Variants in ZDHHC20 observed in about 807,000 individuals in gnomAD.
ZDHHC20 encodes the protein zDHHC palmitoyltransferase 20, also known as palmitoyltransferase ZDHHC20.
Under a neutral mutation model 57.8 loss-of-function variants are expected in ZDHHC20, and 43 were observed. That is an observed-to-expected ratio of 0.74 (90% CI 0.58 to 0.96). The LOEUF (loss-of-function observed/expected upper bound fraction) is 0.96. ZDHHC20 is among the 40% of genes least tolerant of loss of function. ZDHHC20 has a pLI of 0.00. For missense variants in ZDHHC20, 391 were observed against 441.1 expected (o/e 0.89, Z 1.02); for synonymous variants, 157 against 153.0 (o/e 1.03, Z -0.19).
At chr13:21,381,977 G>C (rs370038476) in intron 10 of ZDHHC20, 1 of 512,634 alleles carries the variant, frequency 2.0e-6, no homozygotes, top group South Asian at 1.4e-5. Context: ...GTGATTTAGC[G>C]TAGACTTATT....
intron 4 of ZDHHC20, among the ~76,000 whole-genome samples, chr13:21,405,547 G>T (rs1449206198): frequency 6.6e-6 from 1 of 152,184 alleles, no homozygotes; most frequent in Non-Finnish European, 1.5e-5. Flanking sequence ...TTTTGGGTGT[G>T]TTGAAATTAC....
chr13:21,379,974 C>A (rs1305944953), intron 11 of ZDHHC20, among the ~76,000 whole-genome samples: 1 of 151,704 alleles, frequency 6.6e-6, no homozygotes, highest in Non-Finnish European at 1.5e-5. Flanking sequence ...CACCACCTCG[C>A]CCGTCTAATT....
At position 21,401,653 on chromosome 13, in the gene ZDHHC20, C is replaced by G; in HGVS notation, c.473G>C (p.Trp158Ser). 6.5e-7 allele frequency: 1 copy of G among 1,537,144 alleles called. No homozygotes were observed. The highest frequency in any genetic ancestry group is 8.7e-7 in the Non-Finnish European group (1 of 1,143,618). Residue 158 changes from tryptophan to serine, a missense_variant and splice_region_variant, in exon 6 of 13, where the codon TGG (tryptophan) becomes TCG (serine). Trp to Ser is a radical substitution (Grantham distance 177, BLOSUM62 -3). Coordinates refer to ENST00000400590, the MANE Select transcript of ZDHHC20 (RefSeq NM_001330059.2). ...ATTTCTTCTGTTTTTTTATACATAC[C>G]AAGGACAGTGATGATCCATCTTAAG... ...CILKMDHHCPWVNNCVGFSNY... is the reference protein window; with the variant it reads ...CILKMDHHCPSVNNCVGFSNY...
chr13:21,432,228 C>T (rs557472114), intron 1 of ZDHHC20, among the ~76,000 whole-genome samples: 4 of 150,764 alleles, frequency 2.7e-5, no homozygotes, highest in African/African-American at 4.9e-5. Context: ...TGCAGTGGTG[C>T]GATTTCAGCT....
intron 7 of ZDHHC20, among the ~76,000 whole-genome samples, chr13:21,394,657 C>A (rs915285135): frequency 6.6e-6 from 1 of 152,174 alleles, no homozygotes; most frequent in Non-Finnish European, 1.5e-5. Flanking sequence ...AATCATTGCA[C>A]ACAAACATTG....
At chr13:21,406,180 AC>A (rs1878414230) in intron 4 of ZDHHC20, among the ~76,000 whole-genome samples, 2 of 152,194 alleles carry the variant, frequency 1.3e-5, no homozygotes, top group Admixed American at 1.3e-4. Context: ...TCCCTTGGCT[AC>A]ACCTACTTAC....
intron 1 of ZDHHC20, among the ~76,000 whole-genome samples, chr13:21,438,792 T>C (rs546914167): frequency 2.5e-4 from 38 of 152,316 alleles, no homozygotes; most frequent in South Asian, 1.2e-3. Context: ...AGTCAACAGA[T>C]GCGGCAAACT....
chr13:21,438,573 T>C (rs1882792752), intron 1 of ZDHHC20, among the ~76,000 whole-genome samples: 1 of 152,332 alleles, frequency 6.6e-6, no homozygotes, highest in Non-Finnish European at 1.5e-5. Context: ...GAAAAGAAAA[T>C]GGTTTTTTTG....
At position 21,448,533 on chromosome 13, in the gene ZDHHC20, G is replaced by A. The variant is rs1456648706; in HGVS notation, c.118+10521C>T. Among the ~76,000 whole-genome samples the A allele has an allele frequency of 3.2e-5, 3 of 93,638 alleles. 1 individual carries two copies. Among genetic ancestry groups the A allele is most frequent in the Non-Finnish European group, 8.0e-5 (3 of 37,494 alleles). The allele number at this position is 93,638 out of a possible 152,430, so 61.4% of individuals were successfully genotyped here. On this transcript the variant is annotated intron_variant, in intron 1 of 12. Transcript: ENST00000400590. Reference sequence around the variant, plus strand: ...AGGTGAGGGGCACCTCTGCCCGGCCGCCCCTACTGGGAAGTGAGGAGCCCC... The same window carrying A: ...AGGTGAGGGGCACCTCTGCCCGGCCACCCCTACTGGGAAGTGAGGAGCCCC...
intron 9 of ZDHHC20, among the ~76,000 whole-genome samples, chr13:21,386,402 G>C (rs1566065752): frequency 6.6e-6 from 1 of 152,128 alleles, no homozygotes; most frequent in African/African-American, 2.4e-5. Context: ...ACTAGATCAA[G>C]ATATACCATA....
intron 1 of ZDHHC20, among the ~76,000 whole-genome samples, chr13:21,427,273 C>T (rs1037925323): frequency 4.6e-5 from 7 of 152,174 alleles, no homozygotes; most frequent in African/African-American, 1.7e-4. Context: ...TCATTAGCTC[C>T]ATTTTACAGA....
intron 8 of ZDHHC20, among the ~76,000 whole-genome samples, chr13:21,389,897 G>C (rs1483219245): frequency 6.6e-6 from 1 of 152,224 alleles, no homozygotes; most frequent in Admixed American, 6.5e-5. Flanking sequence ...GCTGGACTTT[G>C]CCTGTAGGCT....
Position 21,374,131 on chromosome 13 carries a change from A to G in ZDHHC20, c.*2565T>C, listed in dbSNP as rs542782080. ...ATGTAGAAATGCAAAAAGTACCAGG[A>G]GAACATTTCTGAAAGTAGTCAAGTA... On this transcript the variant is annotated 3_prime_UTR_variant, in exon 13 of 13. Transcript: ENST00000400590. The G allele has an allele frequency of 6.2e-6, 1 of 162,550 alleles. No homozygotes were observed. Among genetic ancestry groups the G allele is most frequent in the Non-Finnish European group, 1.4e-5 (1 of 73,516 alleles). 10.1% of individuals were successfully genotyped at this position (162,550 alleles called of 1,614,324 possible). A position where few individuals can be genotyped will look rare whatever the true frequency, so the allele number is the denominator to read the frequency against.
At chr13:21,385,091 C>T (rs1323255807) in intron 9 of ZDHHC20, among the ~76,000 whole-genome samples, 2 of 151,632 alleles carry the variant, frequency 1.3e-5, no homozygotes, top group Non-Finnish European at 2.9e-5. Flanking sequence ...AAAAGAGAAA[C>T]GTAAGATATA....
intron 3 of ZDHHC20, among the ~76,000 whole-genome samples, chr13:21,418,458 A>G (rs1432091338): frequency 6.6e-6 from 1 of 151,460 alleles, no homozygotes; most frequent in Non-Finnish European, 1.5e-5. Flanking sequence ...ATACACTATT[A>G]ACTCCATATA....
intron 8 of ZDHHC20, among the ~76,000 whole-genome samples, chr13:21,391,083 T>C (rs1423761799): frequency 2.0e-5 from 3 of 151,970 alleles, no homozygotes; most frequent in Admixed American, 2.0e-4. Context: ...TTACTCTCAT[T>C]GCCCAGGCTG....
At chr13:21,456,358 C>G (rs1462542953) in intron 1 of ZDHHC20, among the ~76,000 whole-genome samples, 1 of 152,128 alleles carries the variant, frequency 6.6e-6, no homozygotes, top group Non-Finnish European at 1.5e-5. Context: ...TGCAGTGAGC[C>G]AAGATCGCAT....
chr13:21,416,130 G>A lies in ZDHHC20; in HGVS notation c.250-2358C>T, dbSNP rs1395146222. On this transcript the variant is annotated intron_variant, in intron 3 of 12. Coordinates refer to ENST00000400590, the MANE Select transcript of ZDHHC20 (RefSeq NM_001330059.2). ...TGAGGCAGGAGAATTGCTTGAACCCGGGAGGTGGAGGTTGCAGTGAGCCGA... is the reference window on the plus strand; with the variant it reads ...TGAGGCAGGAGAATTGCTTGAACCCAGGAGGTGGAGGTTGCAGTGAGCCGA... Among the ~76,000 whole-genome samples the A allele has an allele frequency of 5.3e-5, 8 of 150,962 alleles. No homozygotes were observed. The East Asian group carries it at 1.4e-3, about 26-fold the overall frequency.
intron 1 of ZDHHC20, among the ~76,000 whole-genome samples, chr13:21,447,891 G>A (rs1232572515): frequency 9.6e-5 from 11 of 114,486 alleles, no homozygotes; most frequent in Non-Finnish European, 1.2e-4. Context: ...GTCTCTGCCC[G>A]GCCGCCCATC....
Sources: gnomAD v4.1 joint callset for allele counts (sites outside exome capture counted in the v4.1 genomes callset) on GRCh38, gnomAD v4.1.1 for gene constraint, MANE v1.5 for transcripts, NCBI Gene and HGNC (gene_info 2026-07-23, HGNC 2026-07-21) for gene names.